BEND2: variants seen among roughly 807,000 people sequenced by gnomAD.
BEND2 encodes the protein BEN domain-containing protein 2.
In BEND2, 19 loss-of-function variants were observed where a neutral mutation model predicts 43.8. That is an observed-to-expected ratio of 0.43 (90% confidence interval 0.30 to 0.64). The LOEUF (loss-of-function observed/expected upper bound fraction) is 0.64, where lower values mean the gene tolerates loss of function less well. BEND2 is among the 30% of genes least tolerant of loss of function. The pLI is 0.11. For missense variants in BEND2, 544 were observed against 574.0 expected (o/e 0.95, Z 0.53); for synonymous variants, 226 against 210.1 (o/e 1.08, Z -0.66).
chrX:18,173,200 A>G (rs1246560175), intron 12 of BEND2, among the ~76,000 whole-genome samples: 1 of 111,013 alleles, frequency 9.0e-6, no homozygotes, highest in Non-Finnish European at 1.9e-5. Context: ...AAGTTCTCAC[A>G]GTCTTGGGGC....
chrX:18,195,226 AATTAAT>A lies in BEND2; in HGVS notation c.1180+64_1180+69del, dbSNP rs780876225. 1.5e-5 allele frequency: 16 copies of A among 1,072,499 alleles called. No homozygotes were observed. The South Asian group carries it at 3.7e-4, about 25-fold the overall frequency. The allele number at this position is 1,072,499 out of a possible 1,213,427, so 88.4% of individuals were successfully genotyped here. A position where few individuals can be genotyped will look rare whatever the true frequency, so the allele number is the denominator to read the frequency against. ...TAATTTGTAAAAAGCTACCACTAAGAATTAATATTAAGAATGTTGATGAATCTAGAT... is the reference window on the plus strand; with the variant it reads ...TAATTTGTAAAAAGCTACCACTAAGAATTAAGAATGTTGATGAATCTAGAT... On this transcript the variant is annotated intron_variant, in intron 7 of 13. Coordinates refer to ENST00000380033, the MANE Select transcript of BEND2 (RefSeq NM_153346.5).
At chrX:18,182,727 C>G (rs1162970781) in intron 8 of BEND2, among the ~76,000 whole-genome samples, 2 of 111,068 alleles carry the variant, frequency 1.8e-5, no homozygotes, top group Non-Finnish European at 3.8e-5. Context: ...CAGCACCCAC[C>G]TCTCAGCAAC....
chrX:18,211,790 A>G, intron 4 of BEND2, among the ~76,000 whole-genome samples: 1 of 110,872 alleles, frequency 9.0e-6, no homozygotes, highest in Non-Finnish European at 1.9e-5. Flanking sequence ...CTCAGAAAAA[A>G]AAAAAAATGG....
At chrX:18,185,982 T>C (rs1385928144) in intron 8 of BEND2, among the ~76,000 whole-genome samples, 1 of 111,729 alleles carries the variant, frequency 9.0e-6, no homozygotes, top group Admixed American at 9.5e-5. Flanking sequence ...AAGAGACTTC[T>C]TCAATCTGAA....
rs150227549 is a variant in BEND2, at chrX:18,180,153, G to A, written c.1429+357C>T. The stretch of plus-strand genomic sequence containing the variant: ...GATCATGCCACTGCACTCCAGCCTG[G>A]GCAATAGAGCAAGACTCCACTTCAA... On this transcript the variant is annotated intron_variant, in intron 9 of 13. Transcript: ENST00000380033. Among the ~76,000 whole-genome samples, 261 of 112,007 alleles carry A rather than the reference G, an allele frequency of 2.3e-3. 1 individual carries two copies. The highest frequency in any genetic ancestry group is 7.3e-3 in the African/African-American group (224 of 30,856).
intron 1 of BEND2, among the ~76,000 whole-genome samples, chrX:18,219,170 C>T (rs987150906): frequency 2.6e-4 from 29 of 112,223 alleles, no homozygotes; most frequent in African/African-American, 7.4e-4. Flanking sequence ...ACAGGCCGGA[C>T]AAGTGAGGCT....
At chrX:18,183,829 G>A (rs1289939356) in intron 8 of BEND2, among the ~76,000 whole-genome samples, 1 of 111,672 alleles carries the variant, frequency 9.0e-6, no homozygotes, top group Non-Finnish European at 1.9e-5. Context: ...TGTGGCTTGG[G>A]TGCCAGCTCA....
At chrX:18,169,690 T>C (rs759609545) in intron 13 of BEND2, among the ~76,000 whole-genome samples, 91 of 112,090 alleles carry the variant, frequency 8.1e-4, no homozygotes, top group African/African-American at 2.8e-3. Flanking sequence ...TCTACTGTCT[T>C]CTCTCTGCTG....
At chrX:18,193,683 C>T (rs1924850234) in intron 7 of BEND2, among the ~76,000 whole-genome samples, 1 of 111,684 alleles carries the variant, frequency 9.0e-6, no homozygotes, top group Non-Finnish European at 1.9e-5. Flanking sequence ...AAAAAACCTA[C>T]CACTAGTTTT....
chrX:18,212,486 C>T, intron 4 of BEND2, 79 bp downstream of exon 4: 1 of 738,005 alleles, frequency 1.4e-6, no homozygotes, highest in Non-Finnish European at 2.0e-6. Context: ...AATTCAACTC[C>T]ATTTTTTAAA....
At chrX:18,186,063 G>T (rs1924559156) in intron 8 of BEND2, among the ~76,000 whole-genome samples, 2 of 111,789 alleles carry the variant, frequency 1.8e-5, no homozygotes, top group South Asian at 3.7e-4. Context: ...ACAACACACA[G>T]AGTATTATAA....
intron 10 of BEND2, among the ~76,000 whole-genome samples, chrX:18,176,515 T>TA (rs1466270571): frequency 9.2e-6 from 1 of 108,726 alleles, no homozygotes; most frequent in African/African-American, 3.4e-5. Context: ...CCCATCTCTA[T>TA]AAAAAATACA....
chrX:18,197,115 A>G (rs994645533), intron 6 of BEND2, among the ~76,000 whole-genome samples: 1 of 112,415 alleles, frequency 8.9e-6, no homozygotes, highest in South Asian at 3.7e-4. Context: ...TATTTCTTAC[A>G]AATACATGTG....
chrX:18,201,418 C>CAAAAAAAAAAAAAAAAAAAAAAAAAAAA (rs367821568), intron 6 of BEND2, among the ~76,000 whole-genome samples: 1 of 52,792 alleles, frequency 1.9e-5, no homozygotes, highest in African/African-American at 8.0e-5. Flanking sequence ...AAAAAAAAAA[C>CAAAAAAAAAAAAAAAAAAAAAAAAAAAA]AAAAAAAAAA....
At chrX:18,194,829 G>A (rs1469700759) in intron 7 of BEND2, among the ~76,000 whole-genome samples, 3 of 111,048 alleles carry the variant, frequency 2.7e-5, no homozygotes. Context: ...GGGTCATGGA[G>A]TGTTAGGGAA....
At chrX:18,184,031 A>G (rs1924486696) in intron 8 of BEND2, among the ~76,000 whole-genome samples, 1 of 111,464 alleles carries the variant, frequency 9.0e-6, no homozygotes, top group African/African-American at 3.3e-5. Context: ...GTAGCCAGGT[A>G]GCGGTTACAG....
Position 18,195,331 on chromosome X carries a change from G to A in BEND2, c.1145C>T (p.Pro382Leu). 8.3e-7 allele frequency: 1 copy of A among 1,208,107 alleles called. No homozygotes were observed. The highest frequency in any genetic ancestry group is 1.1e-6 in the Non-Finnish European group (1 of 893,373). Residue 382 changes from proline (P) to leucine (L), a missense_variant, in exon 7 of 14, where the codon CCA becomes CTA. By Grantham distance (98) the Pro-to-Leu change is moderately conservative. This residue lies in a region of BEND2 where 501 missense variants were observed against 501.6 expected (regional missense o/e 1.00). Coordinates refer to ENST00000380033, the MANE Select transcript of BEND2 (RefSeq NM_153346.5). ...AGTGATGGGAAGATATGAAGAGGCT[G>A]GATATGGGGCACTCGTATTTCCCGA... ...ALSGNTSAPY[P>L]ASSYLPITSN...
At chrX:18,170,309 C>A (rs1923936185) in intron 13 of BEND2, among the ~76,000 whole-genome samples, 1 of 111,348 alleles carries the variant, frequency 9.0e-6, no homozygotes, top group African/African-American at 3.3e-5. Flanking sequence ...TTATGGGTTG[C>A]AGTAAAAAAA....
At chrX:18,195,496 A>G (rs1258690976) in intron 6 of BEND2, 54 bp from the exon 7 acceptor site, 2 of 1,066,798 alleles carry the variant, frequency 1.9e-6, no homozygotes, top group South Asian at 2.2e-5. Flanking sequence ...AGGTAAAACT[A>G]TCCTTCTGGA....
Sources: allele counts gnomAD v4.1 joint callset (sites outside exome capture counted in the v4.1 genomes callset), GRCh38; gene constraint gnomAD v4.1.1; regional missense constraint gnomAD v4.1.1; transcripts MANE v1.5; gene names NCBI Gene and HGNC (gene_info 2026-07-23, HGNC 2026-07-21).